Variants in CDK14 observed in about 807,000 individuals in gnomAD.
CDK14 encodes the protein cyclin dependent kinase 14, also known as cyclin-dependent kinase 14.
A neutral mutation model predicts 60.7 loss-of-function variants in CDK14; 34 were observed. The ratio of observed to expected loss-of-function variants is 0.56; its 90% CI spans 0.43 to 0.75. The LOEUF (loss-of-function observed/expected upper bound fraction) is 0.75, where lower values mean the gene tolerates loss of function less well. CDK14 is among the 30% of genes least tolerant of loss of function. The pLI is 0.00. For synonymous variants in CDK14, 197 were observed against 203.7 expected (o/e 0.97, Z 0.28); for missense variants, 482 against 564.1 (o/e 0.85, Z 1.47).
chr7:90,727,419 T>C (rs1438578404), intron 3 of CDK14, among the ~76,000 whole-genome samples: 1 of 152,260 alleles, frequency 6.6e-6, no homozygotes, highest in South Asian at 2.1e-4. Flanking sequence ...AAACAGACTT[T>C]AGATATAACT....
intron 3 of CDK14, among the ~76,000 whole-genome samples, chr7:90,734,098 G>A (rs778646153): frequency 3.9e-5 from 6 of 152,158 alleles, no homozygotes; most frequent in Non-Finnish European, 7.3e-5. Flanking sequence ...GAAATTCTGG[G>A]TTGAAAATAC....
intron 5 of CDK14, among the ~76,000 whole-genome samples, chr7:90,804,973 T>C (rs1788767372): frequency 6.6e-6 from 1 of 152,120 alleles, no homozygotes; most frequent in African/African-American, 2.4e-5. Context: ...TCTTATGTTA[T>C]ATGTAGGTTT....
chr7:90,810,032 A>T (rs1000534932), intron 5 of CDK14, among the ~76,000 whole-genome samples: 1 of 152,240 alleles, frequency 6.6e-6, no homozygotes, highest in Admixed American at 6.5e-5. Context: ...GCTGAATTCT[A>T]CCAGAGGTAT....
chr7:90,753,908 A>C (rs1803949562), intron 4 of CDK14, among the ~76,000 whole-genome samples: 1 of 152,212 alleles, frequency 6.6e-6, no homozygotes. Context: ...AAGGCCTAGG[A>C]AAATGTCTAA....
intron 6 of CDK14, among the ~76,000 whole-genome samples, chr7:90,867,970 TA>T (rs754113058): frequency 0.013 from 1,847 of 144,826 alleles, 28 homozygotes; most frequent in African/African-American, 0.039. Context: ...TACATAAAAT[TA>T]AAAAAAAAAA....
At chr7:90,952,177 T>C (rs1317272937) in intron 8 of CDK14, among the ~76,000 whole-genome samples, 3 of 152,120 alleles carry the variant, frequency 2.0e-5, no homozygotes, top group Non-Finnish European at 4.4e-5. Context: ...GCAGAGGCTG[T>C]TATGATGAGG....
chr7:91,036,269 C>T (rs1372726155), intron 10 of CDK14, among the ~76,000 whole-genome samples: 1 of 152,176 alleles, frequency 6.6e-6, no homozygotes, highest in Non-Finnish European at 1.5e-5. Context: ...ACTAAGGACT[C>T]AGGTTCTTGC....
chr7:90,906,083 T>C (rs558847926), intron 7 of CDK14, among the ~76,000 whole-genome samples: 1 of 152,286 alleles, frequency 6.6e-6, no homozygotes, highest in East Asian at 1.9e-4. Context: ...GACAGATATG[T>C]CATGGGTATT....
At chr7:90,625,421 T>C (rs1231257026) in intron 2 of CDK14, among the ~76,000 whole-genome samples, 1 of 152,196 alleles carries the variant, frequency 6.6e-6, no homozygotes, top group Non-Finnish European at 1.5e-5. Context: ...AGTTTCTTCC[T>C]CTCCTATTTA....
At chr7:90,653,998 C>A (rs1221511986) in intron 2 of CDK14, among the ~76,000 whole-genome samples, 1 of 152,212 alleles carries the variant, frequency 6.6e-6, no homozygotes, top group Non-Finnish European at 1.5e-5. Context: ...GACATGAACT[C>A]ATCATTTTTT....
chr7:90,738,220 GAGTT>G (rs1300519972), intron 3 of CDK14, among the ~76,000 whole-genome samples: 1 of 152,184 alleles, frequency 6.6e-6, no homozygotes, highest in Non-Finnish European at 1.5e-5. Flanking sequence ...GATTTTAGAT[GAGTT>G]ACTTTATTTT....
intron 2 of CDK14, among the ~76,000 whole-genome samples, chr7:90,680,821 C>G (rs1346397295): frequency 1.3e-5 from 2 of 152,116 alleles, no homozygotes; most frequent in African/African-American, 2.4e-5. Flanking sequence ...CTAATGGAAA[C>G]AACATTGTGA....
At chr7:91,010,860 CCTCCCTCT>C (rs1796140113) in intron 10 of CDK14, among the ~76,000 whole-genome samples, 1 of 117,152 alleles carries the variant, frequency 8.5e-6, no homozygotes, top group Non-Finnish European at 1.8e-5. Context: ...TCCCTCCCTC[CCTCCCTCT>C]CTCTCTTTCT....
intron 2 of CDK14, among the ~76,000 whole-genome samples, chr7:90,605,110 C>A (rs960210740): frequency 1.3e-5 from 2 of 152,136 alleles, no homozygotes; most frequent in Non-Finnish European, 2.9e-5. Flanking sequence ...GTTACATATT[C>A]CATGAAATAT....
chr7:90,948,017 G>A (rs1259450963), intron 8 of CDK14, among the ~76,000 whole-genome samples: 1 of 152,040 alleles, frequency 6.6e-6, no homozygotes, highest in Non-Finnish European at 1.5e-5. Context: ...CTTGTATAAT[G>A]TTTTGAGTAT....
intron 10 of CDK14, among the ~76,000 whole-genome samples, chr7:91,030,185 A>C (rs1463294200): frequency 6.6e-6 from 1 of 152,238 alleles, no homozygotes; most frequent in East Asian, 1.9e-4. Context: ...CTATAACAAA[A>C]TATTGCAAAT....
At chr7:91,193,455 G>T (rs1417690635) in intron 14 of CDK14, among the ~76,000 whole-genome samples, 1 of 152,122 alleles carries the variant, frequency 6.6e-6, no homozygotes, top group East Asian at 1.9e-4. Flanking sequence ...TTTATCAGTG[G>T]ATTGTCCACT....
chr7:90,965,727 C>A (rs572071803), intron 9 of CDK14, among the ~76,000 whole-genome samples: 1 of 152,104 alleles, frequency 6.6e-6, no homozygotes, highest in African/African-American at 2.4e-5. Context: ...ATTTTGAAAA[C>A]GCCTTTATTC....
intron 14 of CDK14, among the ~76,000 whole-genome samples, chr7:91,205,235 T>A (rs938753052): frequency 6.6e-6 from 1 of 152,124 alleles, no homozygotes; most frequent in African/African-American, 2.4e-5. Context: ...TACTTATACA[T>A]GAATATTCAG....
Sources: gnomAD v4.1 joint callset for allele counts (sites outside exome capture counted in the v4.1 genomes callset) on GRCh38, gnomAD v4.1.1 for gene constraint, MANE v1.5 for transcripts, NCBI Gene and HGNC (gene_info 2026-07-23, HGNC 2026-07-21) for gene names.